Variants in NDUFS4 observed in about 807,000 individuals in gnomAD.
NDUFS4 encodes NADH dehydrogenase [ubiquinone] iron-sulfur protein 4, mitochondrial.
A neutral mutation model predicts 24.3 loss-of-function variants in NDUFS4; 28 were observed. That is an observed-to-expected ratio of 1.15 (90% confidence interval 0.85 to 1.58). NDUFS4 has a LOEUF of 1.58. Ranked by LOEUF, NDUFS4 falls within the 40% of genes most tolerant of loss-of-function variation. NDUFS4 has a pLI of 0.00. For missense variants in NDUFS4, 223 were observed against 207.9 expected, an observed-to-expected ratio of 1.07 and a Z score of -0.45; for synonymous variants, 93 against 69.7, an observed-to-expected ratio of 1.34 and a Z score of -1.67.
intron 1 of NDUFS4, among the ~76,000 whole-genome samples, chr5:53,575,194 G>A (rs112200033): frequency 2.0e-5 from 3 of 152,146 alleles, no homozygotes; most frequent in Non-Finnish European, 4.4e-5. Flanking sequence ...GTTTCCAGCC[G>A]CATTTAAGTT....
intron 1 of NDUFS4, among the ~76,000 whole-genome samples, chr5:53,588,509 G>A (rs1391457896): frequency 1.3e-5 from 2 of 152,156 alleles, no homozygotes; most frequent in African/African-American, 4.8e-5. Context: ...GCTCTTAAGT[G>A]GCAGATCTGG....
intron 4 of NDUFS4, among the ~76,000 whole-genome samples, chr5:53,678,408 C>G (rs1032813030): frequency 1.3e-5 from 2 of 152,106 alleles, no homozygotes; most frequent in Non-Finnish European, 2.9e-5. Context: ...TATGGCTACT[C>G]TCCTCTAGAA....
chr5:53,597,237 G>A (rs981531114), intron 1 of NDUFS4, among the ~76,000 whole-genome samples: 3 of 152,182 alleles, frequency 2.0e-5, no homozygotes, highest in Admixed American at 6.5e-5. Context: ...GGTTCCAAAA[G>A]TGAAACATCC....
chr5:53,592,739 A>G (rs1750013910), intron 1 of NDUFS4, among the ~76,000 whole-genome samples: 1 of 152,182 alleles, frequency 6.6e-6, no homozygotes, highest in South Asian at 2.1e-4. Flanking sequence ...TATTTATTTT[A>G]TAGCTAATAC....
At chr5:53,594,155 CAATAAT>C (rs1486094433) in intron 1 of NDUFS4, among the ~76,000 whole-genome samples, 1 of 152,102 alleles carries the variant, frequency 6.6e-6, no homozygotes, top group African/African-American at 2.4e-5. Flanking sequence ...AAGTGTCCCA[CAATAAT>C]AATGCATTTC....
intron 1 of NDUFS4, among the ~76,000 whole-genome samples, chr5:53,601,769 T>A (rs1750332576): frequency 6.6e-6 from 1 of 152,188 alleles, no homozygotes; most frequent in Admixed American, 6.5e-5. Context: ...GAATCATCCC[T>A]TTGTCTAGTG....
At chr5:53,599,533 A>T (rs1241172179) in intron 1 of NDUFS4, among the ~76,000 whole-genome samples, 1 of 152,140 alleles carries the variant, frequency 6.6e-6, no homozygotes, top group Admixed American at 6.5e-5. Flanking sequence ...TGTGCTCATT[A>T]GCCATTTGTA....
rs408108 is a variant in NDUFS4, at chr5:53,656,962, T to C, written c.351-1589T>C. ...AGAAACTGAATGGCTGGAAGAATAG[T>C]GGCTTCTTCCAGTGGATGAATGTTG... On this transcript the variant is annotated intron_variant, in intron 3 of 4. Coordinates refer to ENST00000296684, the MANE Select transcript of NDUFS4 (RefSeq NM_002495.4). Among the ~76,000 whole-genome samples, 432 of 152,300 alleles carry C rather than the reference T, an allele frequency of 2.8e-3. 2 individuals are homozygous for C. The highest frequency in any genetic ancestry group is 0.01 in the African/African-American group (420 of 41,574).
intron 3 of NDUFS4, among the ~76,000 whole-genome samples, chr5:53,646,723 A>G (rs944693769): frequency 3.9e-5 from 6 of 152,088 alleles, no homozygotes; most frequent in Admixed American, 3.3e-4. Context: ...TTTGCTTTCT[A>G]CGGTTTCAGT....
At chr5:53,668,167 C>T (rs1579938333) in intron 4 of NDUFS4, among the ~76,000 whole-genome samples, 1 of 152,074 alleles carries the variant, frequency 6.6e-6, no homozygotes, top group African/African-American at 2.4e-5. Flanking sequence ...TTAATGCAGC[C>T]TAAAAGTATA....
At chr5:53,628,417 C>T (rs1396462072) in intron 2 of NDUFS4, among the ~76,000 whole-genome samples, 1 of 152,050 alleles carries the variant, frequency 6.6e-6, no homozygotes, top group Non-Finnish European at 1.5e-5. Context: ...AGGAGGAGTC[C>T]CTCATTTTCT....
intron 1 of NDUFS4, among the ~76,000 whole-genome samples, chr5:53,599,886 G>C (rs889356576): frequency 7.9e-5 from 12 of 151,898 alleles, no homozygotes; most frequent in African/African-American, 1.9e-4. Context: ...TTTCACTGAT[G>C]TGACATTCCT....
chr5:53,672,183 C>T (rs1048737816), intron 4 of NDUFS4, among the ~76,000 whole-genome samples: 2 of 151,748 alleles, frequency 1.3e-5, no homozygotes, highest in East Asian at 3.9e-4. Context: ...CTAACGTAAC[C>T]TCTTATGAGG....
At chr5:53,626,210 A>G (rs754768594) in intron 2 of NDUFS4, among the ~76,000 whole-genome samples, 74 of 152,346 alleles carry the variant, frequency 4.9e-4, no homozygotes, top group Non-Finnish European at 9.3e-4. Context: ...TGCAAAGGAC[A>G]TGAACTCATC....
intron 1 of NDUFS4, among the ~76,000 whole-genome samples, chr5:53,594,898 GTA>G (rs1051370500): frequency 2.3e-4 from 34 of 149,534 alleles, no homozygotes; most frequent in African/African-American, 5.9e-4. Flanking sequence ...GTGTGTGTGT[GTA>G]TATGCGTTGA....
chr5:53,603,363 T>A, intron 1 of NDUFS4, 89 bp from the exon 2 acceptor site: 2 of 814,874 alleles, frequency 2.5e-6, no homozygotes, highest in Non-Finnish European at 4.0e-6. Flanking sequence ...ATAAGACAGA[T>A]ATTGTTAAAG....
chr5:53,658,784 CAAAAAAAAAA>C (rs35754713), intron 4 of NDUFS4, 160 bp downstream of exon 4: 6 of 138,398 alleles, frequency 4.3e-5, no homozygotes, highest in South Asian at 1.7e-4. Flanking sequence ...CACCCACCTC[CAAAAAAAAAA>C]AAAAAAAAAA....
intron 1 of NDUFS4, among the ~76,000 whole-genome samples, chr5:53,572,649 GTTT>G (rs757713153): frequency 2.1e-5 from 3 of 143,526 alleles, no homozygotes; most frequent in Non-Finnish European, 1.5e-5. Context: ...TCTTCTTGAA[GTTT>G]TTTTTTTTTT....
At chr5:53,613,033 G>A (rs920681039) in intron 2 of NDUFS4, among the ~76,000 whole-genome samples, 1 of 151,956 alleles carries the variant, frequency 6.6e-6, no homozygotes, top group Non-Finnish European at 1.5e-5. Context: ...ATCATTAAGA[G>A]GTGACCTACA....
Sources: allele counts gnomAD v4.1 joint callset (sites outside exome capture counted in the v4.1 genomes callset), GRCh38; gene constraint gnomAD v4.1.1; transcripts MANE v1.5; gene names NCBI Gene and HGNC (gene_info 2026-07-23, HGNC 2026-07-21).